Variants in ZPBP observed in about 807,000 individuals in gnomAD.
The protein encoded by ZPBP is zona pellucida binding protein.
Under a neutral mutation model 44.8 loss-of-function variants are expected in ZPBP, and 26 were observed. That is an observed-to-expected ratio of 0.58 (90% CI 0.43 to 0.81). ZPBP has a LOEUF of 0.81. Ranked by LOEUF, ZPBP falls within the 30% of genes least tolerant of loss-of-function variation. The probability of loss-of-function intolerance (pLI) is 0.00; values close to 1 mark genes in which losing one functional copy is unlikely to be tolerated. For synonymous variants in ZPBP, 174 were observed against 153.2 expected (o/e 1.14, Z -1.00); for missense variants, 409 against 434.0 (o/e 0.94, Z 0.51).
intron 2 of ZPBP, among the ~76,000 whole-genome samples, chr7:49,888,664 A>G (rs1792001234): frequency 6.6e-6 from 1 of 152,092 alleles, no homozygotes; most frequent in African/African-American, 2.4e-5. Flanking sequence ...TAATCCCAGC[A>G]CTTTGGGAGG....
At chr7:50,081,980 G>A (rs769008384) in intron 2 of ZPBP, 81 bp from the exon 3 acceptor site, 2 of 1,506,542 alleles carry the variant, frequency 1.3e-6, no homozygotes, top group South Asian at 1.2e-5. Flanking sequence ...TGTAGTTTGG[G>A]TTACATGCAA....
intron 6 of ZPBP, among the ~76,000 whole-genome samples, chr7:50,009,306 A>G (rs188078267): frequency 1.0e-3 from 153 of 151,374 alleles, no homozygotes; most frequent in African/African-American, 3.7e-3. Context: ...CTTCCCTGAT[A>G]TTTCAACGTC....
the ZPBP span, among the ~76,000 whole-genome samples, chr7:49,841,199 A>T: frequency 1.1e-4 from 16 of 152,292 alleles, no homozygotes; most frequent in African/African-American, 3.9e-4. Context: ...TAACCAAAGC[A>T]AGAAAGAGGC....
intron 6 of ZPBP, 26 bp downstream of exon 6, chr7:50,018,214 C>G (rs1380579727): frequency 4.4e-6 from 7 of 1,589,068 alleles, no homozygotes; most frequent in Non-Finnish European, 5.2e-6. Context: ...CTTTTTTTTT[C>G]CTTTTACCAG....
At chr7:49,989,803 C>T (rs1186129984) in intron 6 of ZPBP, among the ~76,000 whole-genome samples, 1 of 152,150 alleles carries the variant, frequency 6.6e-6, no homozygotes, top group Admixed American at 6.5e-5. Context: ...CCTGAAAATT[C>T]TGCCAGGTGA....
At chr7:49,975,302 C>T (rs1043113630) in intron 7 of ZPBP, among the ~76,000 whole-genome samples, 1 of 152,250 alleles carries the variant, frequency 6.6e-6, no homozygotes, top group Admixed American at 6.5e-5. Flanking sequence ...AAAGGAATGG[C>T]CTCCTCTTTT....
chr7:50,079,553 T>TG (rs1232802956), intron 3 of ZPBP, among the ~76,000 whole-genome samples: 2 of 151,598 alleles, frequency 1.3e-5, no homozygotes, highest in South Asian at 2.1e-4. Context: ...TACCAGGGAC[T>TG]GGGGGGTTGG....
At chr7:49,860,817 C>A (rs1408381344) in intron 2 of ZPBP, among the ~76,000 whole-genome samples, 5 of 152,182 alleles carry the variant, frequency 3.3e-5, no homozygotes, top group Non-Finnish European at 5.9e-5. Context: ...GAAGAAGAGA[C>A]ACCAAGGATG....
intron 2 of ZPBP, among the ~76,000 whole-genome samples, chr7:49,866,237 T>A (rs1790886019): frequency 6.6e-6 from 1 of 152,202 alleles, no homozygotes; most frequent in African/African-American, 2.4e-5. Flanking sequence ...CCAGATGTGT[T>A]CACTGGGTAT....
At chr7:49,917,529 T>C (rs1038749606) in intron 1 of ZPBP, 1 of 152,172 alleles carries the variant, frequency 6.6e-6, no homozygotes, top group African/African-American at 2.4e-5. Context: ...GGCTGACCTA[T>C]TATATAGGCA....
At position 49,982,047 on chromosome 7, in the gene ZPBP, G is replaced by GATTATATAATTATATGAATTATATA. The variant is rs1562820919; in HGVS notation, c.961+1270_961+1294dup. Among the ~76,000 whole-genome samples the GATTATATAATTATATGAATTATATA allele has an allele frequency of 9.4e-3, 136 of 14,450 alleles. 37 individuals are homozygous for GATTATATAATTATATGAATTATATA. The Admixed American group carries it at 0.12, about 13-fold the overall frequency. 9.5% of individuals were successfully genotyped at this position (14,450 alleles called of 152,430 possible). ...ATTATATAATTATATGAATTATATA[G>GATTATATAATTATATGAATTATATA]ATTATATAATTATATGAATTATATA... On this transcript the variant is annotated intron_variant, in intron 7 of 7. Transcript: ENST00000046087.
intron 2 of ZPBP, among the ~76,000 whole-genome samples, chr7:50,089,066 T>C (rs765258302): frequency 1.3e-5 from 2 of 152,086 alleles, no homozygotes; most frequent in Non-Finnish European, 2.9e-5. Flanking sequence ...AGTAGATAAG[T>C]AGTTTTCAGG....
chr7:49,970,049 C>T (rs1019277863), intron 7 of ZPBP, among the ~76,000 whole-genome samples: 2 of 151,980 alleles, frequency 1.3e-5, no homozygotes, highest in Non-Finnish European at 2.9e-5. Flanking sequence ...TTAGTAGAGA[C>T]GGTGTTTAGC....
chr7:50,086,943 A>G (rs2128855933), intron 2 of ZPBP, among the ~76,000 whole-genome samples: 1 of 152,206 alleles, frequency 6.6e-6, no homozygotes, highest in South Asian at 2.1e-4. Flanking sequence ...CAGTAGCAAG[A>G]GAGAAGCAAC....
At chr7:49,842,482 G>A in the ZPBP span, among the ~76,000 whole-genome samples, 2 of 152,164 alleles carry the variant, frequency 1.3e-5, no homozygotes, top group African/African-American at 4.8e-5. Context: ...GAGAGTAAAT[G>A]AGATTAAGAA....
intron 1 of ZPBP, among the ~76,000 whole-genome samples, chr7:49,906,673 T>C (rs1793112719): frequency 6.6e-6 from 1 of 152,212 alleles, no homozygotes; most frequent in South Asian, 2.1e-4. Context: ...TATCATAAAA[T>C]TCTTACCAAG....
intron 7 of ZPBP, among the ~76,000 whole-genome samples, chr7:49,981,328 T>TTATA (rs370232681): frequency 0.028 from 1,206 of 42,586 alleles, 10 homozygotes; most frequent in Non-Finnish European, 0.049. Context: ...ATAATATATA[T>TTATA]TATAATTATA....
chr7:49,849,408 G>A (rs1398292207), downstream of ZPBP, among the ~76,000 whole-genome samples: 2 of 152,154 alleles, frequency 1.3e-5, no homozygotes, highest in African/African-American at 2.4e-5. Context: ...TGCTCCTGAG[G>A]GCTCCAAAAG....
intron 4 of ZPBP, among the ~76,000 whole-genome samples, chr7:50,057,681 G>C (rs1029640918): frequency 2.6e-5 from 4 of 152,122 alleles, no homozygotes; most frequent in African/African-American, 9.6e-5. Context: ...AAAATACTTA[G>C]AATTTAATAT....
Sources: allele counts gnomAD v4.1 joint callset (sites outside exome capture counted in the v4.1 genomes callset), GRCh38; gene constraint gnomAD v4.1.1; transcripts MANE v1.5; gene names NCBI Gene and HGNC (gene_info 2026-07-23, HGNC 2026-07-21).